The following RLF variants were observed in gnomAD, a reference collection of about 807,000 sequenced individuals.
RLF encodes RLF zinc finger, also known as zinc finger protein Rlf.
Under a neutral mutation model 162.9 loss-of-function variants are expected in RLF, and 7 were observed. The ratio of observed to expected loss-of-function variants is 0.04; its 90% confidence interval spans 0.02 to 0.08. RLF has a LOEUF of 0.08. RLF is among the 10% of genes least tolerant of loss of function. RLF has a pLI of 1.00. For synonymous variants in RLF, 782 were observed against 791.5 expected (o/e 0.99, Z 0.20); for missense variants, 1,664 against 2,244.7 (o/e 0.74, Z 5.23).
At chr1:40,165,289 G>A (rs1642149735) in intron 1 of RLF, among the ~76,000 whole-genome samples, 2 of 152,210 alleles carry the variant, frequency 1.3e-5, no homozygotes, top group South Asian at 2.1e-4. Flanking sequence ...TCAGTCCATG[G>A]ACCAACATGT....
At position 40,239,787 on chromosome 1, in the gene RLF, T is replaced by G; in HGVS notation, c.5085T>G (p.Cys1695Trp). 6.2e-7 allele frequency: 1 copy of G among 1,614,192 alleles called. No individual in the cohort carries two copies. The highest frequency in any genetic ancestry group is 8.5e-7 in the Non-Finnish European group (1 of 1,180,036). ...ATATAGTTCAGCCTCCTCCTCCTTG[T>G]AAAATAGAAAATTCCATACCTAATC... The part of the protein sequence containing the change: ...QCNIVQPPPP[C>W]KIENSIPNPN... The change falls in exon 8 of 8, where the codon TGT becomes TGG. Residue 1695 changes from cysteine to tryptophan, a missense_variant. Around this residue, in one of 15 missense-constraint regions of RLF, gnomAD observed 327 missense variants for 342.7 expected, o/e 0.95. Coordinates refer to ENST00000372771, the MANE Select transcript of RLF (RefSeq NM_012421.4).
At chr1:40,213,366 C>T (rs1300501249) in intron 5 of RLF, among the ~76,000 whole-genome samples, 2 of 152,128 alleles carry the variant, frequency 1.3e-5, no homozygotes, top group African/African-American at 2.4e-5. Context: ...TTCAGCAGGA[C>T]GTTTCAGCCT....
intron 6 of RLF, among the ~76,000 whole-genome samples, chr1:40,225,772 A>G (rs1177013649): frequency 6.9e-6 from 1 of 145,832 alleles, no homozygotes; most frequent in Non-Finnish European, 1.5e-5. Flanking sequence ...AGCTACTCGT[A>G]AGGCTGAGGC....
chr1:40,161,441 T>A lies in RLF; in HGVS notation c.42T>A (p.Ala14=). 1.3e-6 allele frequency: 2 copies of A among 1,572,162 alleles called. No homozygotes were observed. Among genetic ancestry groups the A allele is most frequent in the Non-Finnish European group, 1.7e-6 (2 of 1,162,246 alleles). ...GAGACGCCGCCGCTGTCGCCGGGGCTGGGGCTGAGGCTCCGGCGGTAGCGG... is the reference window on the plus strand; with the variant it reads ...GAGACGCCGCCGCTGTCGCCGGGGCAGGGGCTGAGGCTCCGGCGGTAGCGG... ...GKGDAAAVAG[A]GAEAPAVAGA... is the part of the protein sequence containing the mutation. Residue 14 remains alanine (A), a synonymous_variant, in exon 1 of 8, where the codon GCT becomes GCA. Transcript: ENST00000372771. This position sits in a 1 kb window ranked among gnomAD's most constrained non-coding sequence, Gnocchi z 4.4.
rs762959977 is a variant in RLF at position 40,205,738 on chromosome 1, G to C, written c.810+3124G>C. On this transcript the variant is annotated intron_variant, in intron 5 of 7. Transcript: ENST00000372771. ...CATCTCCTGACCTCGTGATCCGCTC[G>C]CCTCTGTTTCCCAAAGTGCTGGGAT... Among the ~76,000 whole-genome samples, 3 of 151,998 alleles carry C rather than the reference G, an allele frequency of 2.0e-5. No homozygotes were observed. The East Asian group carries it at 5.8e-4, about 29-fold the overall frequency.
Position 40,240,160 on chromosome 1 carries a change from G to T in RLF, c.5458G>T (p.Asp1820Tyr). ...TGTTGTGGCAAATAATATGGTGAAT[G>T]ACAGTGAACCTGAAGTTGACATACC... ...GNVVANNMVN[D>Y]SEPEVDIPHS... Residue 1820 changes from aspartate to tyrosine, a missense_variant, in exon 8 of 8, where the codon GAC (aspartate) becomes TAC (tyrosine). Physicochemically the swap from Asp to Tyr is radical, Grantham distance 160. Coordinates refer to ENST00000372771, the MANE Select transcript of RLF (RefSeq NM_012421.4). 6.2e-7 allele frequency: 1 copy of T among 1,614,164 alleles called. No homozygotes were observed. The highest frequency in any genetic ancestry group is 1.1e-5 in the South Asian group (1 of 91,080).
At chr1:40,171,376 C>T (rs1046940715) in intron 1 of RLF, among the ~76,000 whole-genome samples, 5 of 152,050 alleles carry the variant, frequency 3.3e-5, no homozygotes, top group East Asian at 1.9e-4. Flanking sequence ...GAATGTGTCA[C>T]GTTAGCCAGC....
chr1:40,228,893 T>A (rs1643115565), intron 6 of RLF, among the ~76,000 whole-genome samples: 1 of 152,118 alleles, frequency 6.6e-6, no homozygotes, highest in South Asian at 2.1e-4. Context: ...CTGGGCTCAA[T>A]GACCACCCTG....
chr1:40,177,952 G>A lies in RLF; in HGVS notation c.238-11103G>A, dbSNP rs115954753. 412 of 153,512 alleles carry A rather than the reference G, an allele frequency of 2.7e-3. 1 individual carries two copies. The highest frequency in any genetic ancestry group is 4.4e-3 in the Non-Finnish European group (304 of 68,626). The allele number at this position is 153,512 out of a possible 1,614,324, so 9.5% of individuals were successfully genotyped here. A position where few individuals can be genotyped will look rare whatever the true frequency, so the allele number is the denominator to read the frequency against. On this transcript the variant is annotated intron_variant, in intron 1 of 7. Transcript: ENST00000372771. Reference sequence around the variant, plus strand: ...TTTTTGAAGTGTTCTATATTTTTCAGGGAGTCTCAGGCCAAGGATGTCGTC... The same window carrying A: ...TTTTTGAAGTGTTCTATATTTTTCAAGGAGTCTCAGGCCAAGGATGTCGTC...
At chr1:40,214,938 A>AAAAG (rs1162003763) in intron 5 of RLF, among the ~76,000 whole-genome samples, 1 of 150,144 alleles carries the variant, frequency 6.7e-6, no homozygotes, top group African/African-American at 2.4e-5. Context: ...AAAAAAAAAA[A>AAAAG]AAAAAAACTA....
chr1:40,234,225 C>T (rs950359334), intron 7 of RLF, among the ~76,000 whole-genome samples: 8 of 152,182 alleles, frequency 5.3e-5, no homozygotes, highest in South Asian at 2.1e-4. Flanking sequence ...GCTGGGATTA[C>T]AGGTGTGAGC....
chr1:40,203,840 C>T (rs184995304), intron 5 of RLF, among the ~76,000 whole-genome samples: 3 of 152,164 alleles, frequency 2.0e-5, no homozygotes, highest in Non-Finnish European at 4.4e-5. Context: ...ATATCTTACT[C>T]TCCAAATACA....
chr1:40,227,069 G>A (rs1418355023), intron 6 of RLF, among the ~76,000 whole-genome samples: 1 of 151,902 alleles, frequency 6.6e-6, no homozygotes, highest in Non-Finnish European at 1.5e-5. Flanking sequence ...TTCACCATGT[G>A]GGCCAGGCTG....
At chr1:40,162,206 G>T (rs1385081862) in intron 1 of RLF, among the ~76,000 whole-genome samples, 1 of 150,690 alleles carries the variant, frequency 6.6e-6, no homozygotes, top group East Asian at 1.9e-4. Flanking sequence ...TTACGTTTAA[G>T]CCGTTCTTTC....
At position 40,202,466 on chromosome 1, in the gene RLF, A is replaced by G. The variant is rs1350824507; in HGVS notation, c.662A>G (p.His221Arg). Residue 221 changes from histidine to arginine, a missense_variant, in exon 5 of 8, where the codon CAT becomes CGT. Transcript: ENST00000372771. ...GPSFLQMRIKHLLKSNCIPQA... is the reference protein window; with the variant it reads ...GPSFLQMRIKRLLKSNCIPQA... ...TCCTTTCTGCAAATGCGAATAAAAC[A>G]TTTGTTGAAATCTAACTGCATCCCC... 5 of 1,586,198 alleles carry G rather than the reference A, an allele frequency of 3.2e-6. No homozygotes were observed. Among genetic ancestry groups the G allele is most frequent in the Non-Finnish European group, 3.4e-6 (4 of 1,172,460 alleles).
chr1:40,239,742 C>T lies in RLF; in HGVS notation c.5040C>T (p.Thr1680=). Residue 1680 remains threonine, a synonymous_variant, in exon 8 of 8, where the codon ACC becomes ACT. Transcript: ENST00000372771. The part of the protein sequence containing the change: ...GTLKCNHSSK[T]TSLEQCNIVQ... ...TGAAATGTAATCATAGTTCCAAAAC[C>T]ACTTCCCTAGAACAGTGTAATATAG... is the stretch of plus-strand genomic sequence containing the variant. The T allele has an allele frequency of 1.2e-6, 2 of 1,614,090 alleles. No individual in the cohort carries two copies. The highest frequency in any genetic ancestry group is 1.1e-5 in the South Asian group (1 of 91,080).
chr1:40,235,686 T>C (rs1418987488), intron 7 of RLF, 106 bp from the exon 8 acceptor site: 1 of 739,652 alleles, frequency 1.4e-6, no homozygotes, highest in Non-Finnish European at 2.1e-6. Context: ...TAAGATAAAA[T>C]TTAGGAACTC....
intron 1 of RLF, among the ~76,000 whole-genome samples, chr1:40,167,274 T>C (rs1280364546): frequency 6.6e-6 from 1 of 152,188 alleles, no homozygotes; most frequent in Non-Finnish European, 1.5e-5. Context: ...TCTTGAGCCT[T>C]ACCTCTTTCA....
At chr1:40,211,768 C>T (rs1340597442) in intron 5 of RLF, among the ~76,000 whole-genome samples, 4 of 151,790 alleles carry the variant, frequency 2.6e-5, no homozygotes, top group African/African-American at 7.3e-5. Flanking sequence ...ATTACGGGCA[C>T]GTGCCACCAC....
Sources: gnomAD v4.1 joint callset for allele counts (sites outside exome capture counted in the v4.1 genomes callset) on GRCh38, gnomAD v4.1.1 for gene constraint, gnomAD v4.1.1 regional missense constraint, Gnocchi (gnomAD v3.1) non-coding constraint, MANE v1.5 for transcripts, NCBI Gene and HGNC (gene_info 2026-07-23, HGNC 2026-07-21) for gene names.